NUDCD1: variants seen among roughly 807,000 people sequenced by gnomAD.
The protein encoded by NUDCD1 is NudC domain containing 1.
Under a neutral mutation model 67.8 loss-of-function variants are expected in NUDCD1, and 60 were observed. The ratio of observed to expected loss-of-function variants is 0.88; its 90% CI spans 0.72 to 1.10. The LOEUF (loss-of-function observed/expected upper bound fraction) is 1.10, where lower values mean the gene tolerates loss of function less well. NUDCD1 is among the 50% of genes least tolerant of loss of function. The pLI is 0.00. For missense variants in NUDCD1, 643 were observed against 695.0 expected (o/e 0.93, Z 0.84); for synonymous variants, 244 against 230.8 (o/e 1.06, Z -0.52).
chr8:109,291,338 GCTCA>G (rs1303622753), intron 4 of NUDCD1, among the ~76,000 whole-genome samples: 1 of 152,030 alleles, frequency 6.6e-6, no homozygotes, highest in Non-Finnish European at 1.5e-5. Flanking sequence ...AGAGACGGTG[GCTCA>G]CTATGTTGCC....
chr8:109,245,242 G>C, intron 9 of NUDCD1, 80 bp downstream of exon 9: 1 of 1,385,834 alleles, frequency 7.2e-7, no homozygotes, highest in Non-Finnish European at 9.9e-7. Flanking sequence ...AAATTAAAAA[G>C]AAAAAAAAGA....
At chr8:109,256,628 A>C (rs1467348011) in intron 8 of NUDCD1, among the ~76,000 whole-genome samples, 1 of 152,204 alleles carries the variant, frequency 6.6e-6, no homozygotes, top group Admixed American at 6.5e-5. Flanking sequence ...GATTACTTTG[A>C]TCTTCACACA....
intron 1 of NUDCD1, among the ~76,000 whole-genome samples, chr8:109,329,082 T>C (rs1471230026): frequency 2.0e-5 from 3 of 151,948 alleles, no homozygotes; most frequent in African/African-American, 7.3e-5. Flanking sequence ...TATTACAATG[T>C]CCAAGATGAA....
intron 2 of NUDCD1, among the ~76,000 whole-genome samples, chr8:109,306,631 A>AC (rs35720923): frequency 0.35 from 51,298 of 145,060 alleles, 9,686 homozygotes; most frequent in South Asian, 0.49. Context: ...ATTATGTTGA[A>AC]CCCCCCCCAC....
At chr8:109,284,380 A>C (rs1169413643) in intron 5 of NUDCD1, among the ~76,000 whole-genome samples, 1 of 152,136 alleles carries the variant, frequency 6.6e-6, no homozygotes, top group Non-Finnish European at 1.5e-5. Flanking sequence ...CAGATCATCA[A>C]GGTAGAAAAC....
intron 8 of NUDCD1, among the ~76,000 whole-genome samples, chr8:109,270,804 A>G (rs1432219201): frequency 1.3e-5 from 2 of 152,188 alleles, no homozygotes; most frequent in African/African-American, 4.8e-5. Context: ...CACTTGAAAG[A>G]TATCAATATA....
intron 5 of NUDCD1, among the ~76,000 whole-genome samples, chr8:109,281,669 T>C (rs1814442021): frequency 6.6e-6 from 1 of 152,234 alleles, no homozygotes; most frequent in Non-Finnish European, 1.5e-5. Context: ...AAGGCCATAC[T>C]ACCCCAACCC....
chr8:109,313,805 A>C, intron 2 of NUDCD1: 1 of 981,264 alleles, frequency 1.0e-6, no homozygotes, highest in Non-Finnish European at 1.4e-6. Flanking sequence ...ACCTGGTTAT[A>C]CATGACGGAG....
At chr8:109,293,947 G>T (rs960035120) in intron 3 of NUDCD1, among the ~76,000 whole-genome samples, 2 of 151,968 alleles carry the variant, frequency 1.3e-5, no homozygotes, top group Non-Finnish European at 2.9e-5. Context: ...TAGCATTTAA[G>T]AATAAGTTAA....
At chr8:109,312,478 A>G (rs1815281009) in intron 2 of NUDCD1, among the ~76,000 whole-genome samples, 1 of 152,206 alleles carries the variant, frequency 6.6e-6, no homozygotes, top group Non-Finnish European at 1.5e-5. Context: ...ATTTAAAGCT[A>G]TGAGGTGCTG....
chr8:109,256,878 A>G (rs907049532), intron 8 of NUDCD1, among the ~76,000 whole-genome samples: 4 of 152,150 alleles, frequency 2.6e-5, no homozygotes, highest in African/African-American at 9.7e-5. Flanking sequence ...AGTACAAAAT[A>G]AAGTTAAAAA....
chr8:109,253,625 C>A (rs561848812), intron 8 of NUDCD1, among the ~76,000 whole-genome samples: 2 of 152,118 alleles, frequency 1.3e-5, no homozygotes, highest in Non-Finnish European at 2.9e-5. Flanking sequence ...TGCCTGCAAC[C>A]TCTAAAAGTT....
Position 109,293,445 on chromosome 8 carries a change from A to G in NUDCD1, c.539T>C (p.Ile180Thr), listed in dbSNP as rs75876794. ...ISLLNAEEHSIATLLLRIEKE... is the reference protein window; with the variant it reads ...ISLLNAEEHSTATLLLRIEKE... ...CTCTATTCGAAGAAGTAGGGTAGCT[A>G]TAGAATGTTCTTCAGCATTTAGCAG... The change falls in exon 4 of 10, where the codon ATA becomes ACA. Residue 180 changes from isoleucine to threonine, a missense_variant. Coordinates refer to ENST00000239690, the MANE Select transcript of NUDCD1 (RefSeq NM_032869.4). 1.3e-3 allele frequency: 2,102 copies of G among 1,590,810 alleles called. 33 individuals carry two copies. In the African/African-American group the frequency reaches 0.026, roughly 19 times the overall value.
In NUDCD1 at chr8:109,270,972, A is replaced by C. The variant is rs764114463; in HGVS notation, c.1299+33T>G. Reference sequence around the variant, plus strand: ...AATCATTATCTGAGTAACTACTGACAAAATTTTAGAAATATTAATATCAGT... The same window carrying C: ...AATCATTATCTGAGTAACTACTGACCAAATTTTAGAAATATTAATATCAGT... On this transcript the variant is annotated intron_variant, in intron 8 of 9. Transcript: ENST00000239690. 10 of 1,461,924 alleles carry C rather than the reference A, an allele frequency of 6.8e-6. 1 individual carries two copies. In the South Asian group the frequency reaches 1.3e-4, roughly 18 times the overall value. 90.6% of individuals were successfully genotyped at this position (1,461,924 alleles called of 1,614,324 possible).
At chr8:109,316,327 G>A (rs1056655538) in intron 2 of NUDCD1, 2 of 152,086 alleles carry the variant, frequency 1.3e-5, no homozygotes, top group Non-Finnish European at 2.9e-5. Flanking sequence ...TTATAAACCA[G>A]TATGTAGACC....
At chr8:109,254,171 A>C (rs1813679189) in intron 8 of NUDCD1, among the ~76,000 whole-genome samples, 1 of 152,234 alleles carries the variant, frequency 6.6e-6, no homozygotes, top group Non-Finnish European at 1.5e-5. Flanking sequence ...GCTTATGAGC[A>C]GTGGAAACAA....
At chr8:109,333,797 T>C (rs978511123) in intron 1 of NUDCD1, 96 bp downstream of exon 1, 8 of 1,356,778 alleles carry the variant, frequency 5.9e-6, no homozygotes, top group African/African-American at 5.8e-5. Context: ...GTGGCTTCGC[T>C]TGCCAGTCAG....
chr8:109,248,842 G>C (rs930023641), intron 8 of NUDCD1, among the ~76,000 whole-genome samples: 14 of 151,948 alleles, frequency 9.2e-5, no homozygotes, highest in African/African-American at 3.4e-4. Flanking sequence ...AGCAAAACTG[G>C]ATCACAATTT....
intron 1 of NUDCD1, among the ~76,000 whole-genome samples, chr8:109,327,839 T>C (rs927975791): frequency 1.3e-5 from 2 of 152,236 alleles, no homozygotes; most frequent in African/African-American, 4.8e-5. Context: ...TCCTTTTCTC[T>C]GCCTGGCCGC....
Sources: allele counts gnomAD v4.1 joint callset (sites outside exome capture counted in the v4.1 genomes callset), GRCh38; gene constraint gnomAD v4.1.1; transcripts MANE v1.5; gene names NCBI Gene and HGNC (gene_info 2026-07-23, HGNC 2026-07-21).